The following DRAP1 variants were observed in gnomAD, a reference collection of about 807,000 sequenced individuals.
The protein encoded by DRAP1 is dr1-associated corepressor.
In DRAP1, 10 loss-of-function variants were observed where a neutral mutation model predicts 24.1. That is an observed-to-expected ratio of 0.41 (90% CI 0.26 to 0.70). DRAP1 has a LOEUF of 0.70. DRAP1 is among the 30% of genes least tolerant of loss of function. DRAP1 has a pLI of 0.29. For missense variants in DRAP1, 264 were observed against 275.6 expected (o/e 0.96, Z 0.30); for synonymous variants, 122 against 113.8 (o/e 1.07, Z -0.46).
chr11:65,920,516 G>C, intron 4 of DRAP1, 53 bp from the exon 5 acceptor site: 1 of 1,611,768 alleles, frequency 6.2e-7, no homozygotes, highest in South Asian at 1.1e-5. Flanking sequence ...AGGGCTTGGG[G>C]GTGGCCAAGG....
In DRAP1 at chr11:65,920,646, C is replaced by G; in HGVS notation, c.407C>G (p.Thr136Arg). The G allele has an allele frequency of 6.7e-7, 1 of 1,501,656 alleles. No homozygotes were observed. The highest frequency in any genetic ancestry group is 8.9e-7 in the Non-Finnish European group (1 of 1,121,268). 93.0% of individuals were successfully genotyped at this position (1,501,656 alleles called of 1,614,324 possible). Residue 136 changes from threonine to arginine, a missense_variant, in exon 5 of 7, where the codon ACA becomes AGA. Physicochemically the swap from Thr to Arg is moderately conservative, Grantham distance 71 (BLOSUM62 -1). Coordinates refer to ENST00000312515, the MANE Select transcript of DRAP1 (RefSeq NM_006442.4). ...TKSKDKKLSG[T>R]DSEQEDESED... ...AGCAAGGACAAGAAGCTGTCCGGGACAGACTCGGAGCAGGAGGTGAGTGAG... is the reference window on the plus strand; with the variant it reads ...AGCAAGGACAAGAAGCTGTCCGGGAGAGACTCGGAGCAGGAGGTGAGTGAG...
intron 6 of DRAP1, 169 bp from the exon 7 acceptor site, chr11:65,921,161 G>T: frequency 1.5e-6 from 1 of 677,956 alleles, no homozygotes; most frequent in Non-Finnish European, 2.5e-6. Context: ...GCCAGGGCCC[G>T]TGGGTGGGGC....
intron 6 of DRAP1, 87 bp from the exon 7 acceptor site, chr11:65,921,243 G>C: frequency 3.5e-6 from 3 of 848,352 alleles, no homozygotes; most frequent in Non-Finnish European, 5.7e-6. Context: ...GGGAGGGTCA[G>C]ATGGGGGAGG....
intron 4 of DRAP1, 31 bp downstream of exon 4, chr11:65,920,493 A>G: frequency 6.2e-7 from 1 of 1,613,328 alleles, no homozygotes; most frequent in Non-Finnish European, 8.5e-7. Flanking sequence ...ACAGTGGGGA[A>G]GGCCAAGGCC....
Position 65,920,641 on chromosome 11 carries a change from C to G in DRAP1, c.402C>G (p.Ser134=), listed in dbSNP as rs756398879. Residue 134 remains serine (S), a synonymous_variant, in exon 5 of 7, where the codon TCC becomes TCG. Coordinates refer to ENST00000312515, the MANE Select transcript of DRAP1 (RefSeq NM_006442.4). ...MGTKSKDKKL[S]GTDSEQEDES... ...CGAAAAGCAAGGACAAGAAGCTGTC[C>G]GGGACAGACTCGGAGCAGGAGGTGA... 3.3e-6 allele frequency: 5 copies of G among 1,509,150 alleles called. No homozygotes were observed. The highest frequency in any genetic ancestry group is 4.4e-6 in the Non-Finnish European group (5 of 1,125,510). The allele number at this position is 1,509,150 out of a possible 1,614,324, so 93.5% of individuals were successfully genotyped here. A position where few individuals can be genotyped will look rare whatever the true frequency, so the allele number is the denominator to read the frequency against.
rs1017794261 is a variant in DRAP1, at chr11:65,919,839, G to A, written c.102G>A (p.Val34=). The change falls in exon 2 of 7, where the codon GTG becomes GTA. Residue 34 remains valine (V), a synonymous_variant. Coordinates refer to ENST00000312515, the MANE Select transcript of DRAP1 (RefSeq NM_006442.4). ...AGATTGGGAAGGTGGCGGCGGCGGT[G>A]CCTGTCATCATCTGTATCCTGCCGG... ...DEEIGKVAAA[V]PVIISRALEL... The A allele has an allele frequency of 2.0e-5, 33 of 1,612,770 alleles. No individual in the cohort carries two copies. Among genetic ancestry groups the A allele is most frequent in the Non-Finnish European group, 2.8e-5 (33 of 1,179,954 alleles).
rs1361961110 is a variant in DRAP1 at position 65,919,442 on chromosome 11, C to T, written c.-60C>T. 1.1e-5 allele frequency: 17 copies of T among 1,504,546 alleles called. No homozygotes were observed. The highest frequency in any genetic ancestry group is 1.3e-5 in the South Asian group (1 of 78,758). The allele number at this position is 1,504,546 out of a possible 1,614,324, so 93.2% of individuals were successfully genotyped here. The stretch of plus-strand genomic sequence containing the variant: ...GCGACGGGCGGGCGGCGAGCAGGCC[C>T]GGGAGCCGGGAGGCTGCGGGCGGCG... On this transcript the variant is annotated 5_prime_UTR_variant, in exon 1 of 7. Transcript: ENST00000312515.
chr11:65,921,131 G>A lies in DRAP1; in HGVS notation c.512+159G>A, dbSNP rs995773271. 1.5e-5 allele frequency: 10 copies of A among 686,388 alleles called. No individual in the cohort carries two copies. The South Asian group carries it at 1.6e-4, about 11-fold the overall frequency. The allele number at this position is 686,388 out of a possible 1,614,324, so 42.5% of individuals were successfully genotyped here. A position where few individuals can be genotyped will look rare whatever the true frequency, so the allele number is the denominator to read the frequency against. On this transcript the variant is annotated intron_variant, in intron 6 of 6. Coordinates refer to ENST00000312515, the MANE Select transcript of DRAP1 (RefSeq NM_006442.4). ...CTTGAAGGCAGGAGACTGTTCTCCC[G>A]AAAGATCCTGCTCCACCCTGCCAGG...
intron 3 of DRAP1, 103 bp from the exon 4 acceptor site, chr11:65,920,240 G>A (rs1413530250): frequency 6.4e-7 from 1 of 1,556,386 alleles, no homozygotes; most frequent in Non-Finnish European, 8.7e-7. Flanking sequence ...AGCGGAGATC[G>A]GCCCGGGCTC....
At position 65,920,417 on chromosome 11, in the gene DRAP1, G is replaced by T. The variant is rs748470098; in HGVS notation, c.284G>T (p.Gly95Val). Residue 95 changes from glycine to valine, a missense_variant, in exon 4 of 7, where the codon GGG (glycine) becomes GTG (valine). This residue lies in a region of DRAP1 where 243 missense variants were observed against 233.6 expected (regional missense o/e 1.04). Coordinates refer to ENST00000312515, the MANE Select transcript of DRAP1 (RefSeq NM_006442.4). Reference sequence around the variant, plus strand: ...GTGGCATCTGTTCCCGACATGCAGGGGGACGGGGAAGACAACCACATGGAT... The same window carrying T: ...GTGGCATCTGTTCCCGACATGCAGGTGGACGGGGAAGACAACCACATGGAT... Reference protein sequence around the residue: ...DLVASVPDMQGDGEDNHMDGD... With the variant: ...DLVASVPDMQVDGEDNHMDGD... 18 of 1,614,022 alleles carry T rather than the reference G, an allele frequency of 1.1e-5. No homozygotes were observed. Among genetic ancestry groups the T allele is most frequent in the Admixed American group, 1.7e-5 (1 of 60,014 alleles).
chr11:65,921,502 G>A lies in DRAP1; in HGVS notation c.*67G>A, dbSNP rs1854551199. 7 of 689,228 alleles carry A rather than the reference G, an allele frequency of 1.0e-5. No individual in the cohort carries two copies. Among genetic ancestry groups the A allele is most frequent in the Non-Finnish European group, 1.5e-5 (6 of 400,786 alleles). The allele number at this position is 689,228 out of a possible 1,614,324, so 42.7% of individuals were successfully genotyped here. On this transcript the variant is annotated 3_prime_UTR_variant, in exon 7 of 7. Coordinates refer to ENST00000312515, the MANE Select transcript of DRAP1 (RefSeq NM_006442.4). Reference sequence around the variant, plus strand: ...TAGTTGCTCTGGGGGGAGGAGAGAAGGTAGAGCTGTTCTTAAATTTATTAA... The same window carrying A: ...TAGTTGCTCTGGGGGGAGGAGAGAAAGTAGAGCTGTTCTTAAATTTATTAA...
Position 65,920,058 on chromosome 11 carries a change from C to A in DRAP1, c.209+17C>A, listed in dbSNP as rs765031995. On this transcript the variant is annotated intron_variant, in intron 3 of 6. Transcript: ENST00000312515. The stretch of plus-strand genomic sequence containing the variant: ...ATCCCACCTGTGAGCGGCGAGGAGC[C>A]GGGAGGGGCCGGCGGGTTTGGCGCG... 5 of 1,610,314 alleles carry A rather than the reference C, an allele frequency of 3.1e-6. No individual in the cohort carries two copies. Among genetic ancestry groups the A allele is most frequent in the Non-Finnish European group, 3.4e-6 (4 of 1,178,504 alleles).
intron 4 of DRAP1, 39 bp from the exon 5 acceptor site, chr11:65,920,529 TA>T (rs1854535024): frequency 2.5e-6 from 4 of 1,608,928 alleles, no homozygotes; most frequent in Non-Finnish European, 3.4e-6. Context: ...GGCCAAGGAG[TA>T]GGGAGCACTC....
Position 65,920,822 on chromosome 11 carries a change from G to A in DRAP1, c.424-62G>A. 4 of 1,532,628 alleles carry A rather than the reference G, an allele frequency of 2.6e-6. No individual in the cohort carries two copies. The South Asian group carries it at 4.8e-5, about 19-fold the overall frequency. The allele number at this position is 1,532,628 out of a possible 1,614,324, so 94.9% of individuals were successfully genotyped here. On this transcript the variant is annotated intron_variant, in intron 5 of 6. Transcript: ENST00000312515. ...GCTATGAGGGTCTACTGCTGTCCCT[G>A]CCACTCCCAGTGATGGGTTCGTGTC...
rs1192881644 is a variant in DRAP1, at chr11:65,920,638, G to A, written c.399G>A (p.Leu133=). Residue 133 remains leucine, a synonymous_variant, in exon 5 of 7, where the codon CTG becomes CTA. Transcript: ENST00000312515. ...GMGTKSKDKK[L]SGTDSEQEDE... is the part of the protein sequence containing the mutation. ...GAACGAAAAGCAAGGACAAGAAGCTGTCCGGGACAGACTCGGAGCAGGAGG... is the reference window on the plus strand; with the variant it reads ...GAACGAAAAGCAAGGACAAGAAGCTATCCGGGACAGACTCGGAGCAGGAGG... The A allele has an allele frequency of 2.0e-6, 3 of 1,512,144 alleles. No homozygotes were observed. The highest frequency in any genetic ancestry group is 1.8e-6 in the Non-Finnish European group (2 of 1,127,310). The allele number at this position is 1,512,144 out of a possible 1,614,324, so 93.7% of individuals were successfully genotyped here.
rs774106061 is a variant in DRAP1, at chr11:65,920,359, C to T, written c.226C>T (p.Leu76=). The change falls in exon 4 of 7, where the codon CTG becomes TTG. Residue 76 remains leucine, a synonymous_variant. Coordinates refer to ENST00000312515, the MANE Select transcript of DRAP1 (RefSeq NM_006442.4). ...CTCTTCCAGGAAGCAGTGCATCGAG[C>T]TGGAGCAGCAGTTTGACTTCTTGAA... ...TTSHLKQCIE[L]EQQFDFLKDL... 7.4e-6 allele frequency: 12 copies of T among 1,614,010 alleles called. No individual in the cohort carries two copies. The highest frequency in any genetic ancestry group is 1.7e-5 in the Admixed American group (1 of 60,016).
At chr11:65,919,917 C>T (rs1854526720) in intron 2 of DRAP1, 31 bp from the exon 3 acceptor site, 2 of 1,613,538 alleles carry the variant, frequency 1.2e-6, no homozygotes, top group Admixed American at 1.7e-5. Context: ...TCGCCCTCTC[C>T]TGCCCCGGAG....
chr11:65,921,286 C>T lies in DRAP1; in HGVS notation c.513-44C>T, dbSNP rs546313635. On this transcript the variant is annotated intron_variant, in intron 6 of 6. Transcript: ENST00000312515. ...TTGGCAGCTGCCCCTGTGGAGGGCA[C>T]GGTGGGGCTCAGGCCTGACTCTCTC... is the stretch of plus-strand genomic sequence containing the variant. 1.1e-4 allele frequency: 129 copies of T among 1,193,780 alleles called. 2 individuals are homozygous for T. The South Asian group carries it at 1.3e-3, about 12-fold the overall frequency. 73.9% of individuals were successfully genotyped at this position (1,193,780 alleles called of 1,614,324 possible). A position where few individuals can be genotyped will look rare whatever the true frequency, so the allele number is the denominator to read the frequency against.
rs759977811 is a variant in DRAP1 at position 65,921,369 on chromosome 11, T to C, written c.552T>C (p.Pro184=). The change falls in exon 7 of 7, where the codon CCT becomes CCC. Residue 184 remains proline (P), a synonymous_variant. Transcript: ENST00000312515. ...TCCTGCCCTTCGCCTCTACTCTGCC[T>C]TTGCCCCCAGCGCCCCCGGGCCCCT... ...TPFLPFASTL[P]LPPAPPGPSA... is the part of the protein sequence containing the mutation. 1 of 1,611,328 alleles carries C rather than the reference T, an allele frequency of 6.2e-7. No homozygotes were observed. Among genetic ancestry groups the C allele is most frequent in the East Asian group, 2.2e-5 (1 of 44,836 alleles).
Sources: allele counts gnomAD v4.1 joint callset, GRCh38; gene constraint gnomAD v4.1.1; regional missense constraint gnomAD v4.1.1; transcripts MANE v1.5; gene names NCBI Gene and HGNC (gene_info 2026-07-23, HGNC 2026-07-21).